Variants in TRPM8 observed in about 807,000 individuals in gnomAD.
TRPM8 encodes the protein TRPM8 cationic channel.
In TRPM8, 110 loss-of-function variants were observed where a neutral mutation model predicts 133.7. The ratio of observed to expected loss-of-function variants is 0.82; its 90% CI spans 0.70 to 0.96. The LOEUF is 0.96. TRPM8 is among the 40% of genes least tolerant of loss of function. The pLI is 0.00. For synonymous variants in TRPM8, 535 were observed against 532.3 expected (o/e 1.01, Z -0.07); for missense variants, 1,291 against 1,379.5 (o/e 0.94, Z 1.02).
chr2:234,000,914 G>A (rs932744516), intron 22 of TRPM8, among the ~76,000 whole-genome samples: 1 of 152,212 alleles, frequency 6.6e-6, no homozygotes, highest in African/African-American at 2.4e-5. Flanking sequence ...CTGGCTTCAA[G>A]TGATCCGCCC....
At chr2:233,973,359 G>A (rs1046553482) in intron 17 of TRPM8, among the ~76,000 whole-genome samples, 2 of 152,316 alleles carry the variant, frequency 1.3e-5, no homozygotes, top group South Asian at 2.1e-4. Flanking sequence ...GAGGCTGTGC[G>A]GGAGACTCTG....
Position 233,945,781 on chromosome 2 carries a change from T to C in TRPM8, c.700-75T>C, listed in dbSNP as rs905265134. Reference sequence around the variant, plus strand: ...TGAACCCAAAGTATTAGCTTTCATATGAATATAGAAAAATATCATCATGTA... The same window carrying C: ...TGAACCCAAAGTATTAGCTTTCATACGAATATAGAAAAATATCATCATGTA... On this transcript the variant is annotated intron_variant, in intron 6 of 25. Transcript: ENST00000324695. 3.6e-6 allele frequency: 5 copies of C among 1,371,870 alleles called. No homozygotes were observed. The African/African-American group carries it at 5.7e-5, about 16-fold the overall frequency. The allele number at this position is 1,371,870 out of a possible 1,614,324, so 85.0% of individuals were successfully genotyped here.
intron 6 of TRPM8, among the ~76,000 whole-genome samples, chr2:233,943,183 A>G (rs909073191): frequency 1.3e-5 from 2 of 149,648 alleles, no homozygotes; most frequent in Non-Finnish European, 2.9e-5. Flanking sequence ...ATATGTATAC[A>G]TGTGCCATGT....
intron 19 of TRPM8, 45 bp from the exon 20 acceptor site, chr2:233,983,008 C>T (rs1467637134): frequency 3.8e-6 from 6 of 1,582,686 alleles, no homozygotes; most frequent in Admixed American, 3.4e-5. Flanking sequence ...GACTTGCCAA[C>T]TGTGGGCACG....
intron 17 of TRPM8, among the ~76,000 whole-genome samples, chr2:233,977,405 T>C (rs1437909136): frequency 6.6e-6 from 1 of 152,130 alleles, no homozygotes; most frequent in Non-Finnish European, 1.5e-5. Flanking sequence ...CCTGCGATGG[T>C]AACTTGGAGC....
At chr2:233,940,283 G>GGTTTT (rs1156601612) in intron 5 of TRPM8, among the ~76,000 whole-genome samples, 1 of 132,648 alleles carries the variant, frequency 7.5e-6, no homozygotes, top group Non-Finnish European at 1.6e-5. Context: ...TCTAGACATG[G>GGTTTT]GTTTTTTTTT....
chr2:233,983,125 A>T lies in TRPM8; in HGVS notation c.2662A>T (p.Ile888Phe). The change falls in exon 20 of 26, where the codon ATC (isoleucine) becomes TTC (phenylalanine). Residue 888 changes from isoleucine to phenylalanine, a missense_variant. By Grantham distance (21) the Ile-to-Phe change is conservative (BLOSUM62 0). This residue lies in a region of TRPM8 where 328 missense variants were observed against 410.6 expected (regional missense o/e 0.80). Coordinates refer to ENST00000324695, the MANE Select transcript of TRPM8 (RefSeq NM_024080.5). Reference sequence around the variant, plus strand: ...GGCCTTTGGCGTGGCCAGGCAAGGGATCCTTAGGCAGAATGAGCAGCGCTG... The same window carrying T: ...GGCCTTTGGCGTGGCCAGGCAAGGGTTCCTTAGGCAGAATGAGCAGCGCTG... ...MVAFGVARQGILRQNEQRWRW... is the reference protein window; with the variant it reads ...MVAFGVARQGFLRQNEQRWRW... The T allele has an allele frequency of 6.2e-7, 1 of 1,613,938 alleles. No homozygotes were observed. The highest frequency in any genetic ancestry group is 8.5e-7 in the Non-Finnish European group (1 of 1,179,972).
chr2:234,007,297 T>C (rs1400318832), intron 23 of TRPM8, among the ~76,000 whole-genome samples: 1 of 152,206 alleles, frequency 6.6e-6, no homozygotes, highest in African/African-American at 2.4e-5. Flanking sequence ...TCACAGGTCA[T>C]GGGCCATTGG....
Position 233,964,724 on chromosome 2 carries a change from G to C in TRPM8, c.1846G>C (p.Glu616Gln). Residue 616 changes from glutamate to glutamine, a missense_variant, in exon 14 of 26, where the codon GAG (glutamate) becomes CAG (glutamine). Glu to Gln is a conservative substitution (Grantham distance 29). Around this residue, in one of 2 missense-constraint regions of TRPM8, gnomAD observed 963 missense variants for 968.9 expected, o/e 0.99. Coordinates refer to ENST00000324695, the MANE Select transcript of TRPM8 (RefSeq NM_024080.5). ...NDINAAGESE[E>Q]LANEYETRAV... Reference sequence around the variant, plus strand: ...CATCAATGCTGCTGGGGAGTCCGAGGAGCTGGCTAATGAGTACGAGACCCG... The same window carrying C: ...CATCAATGCTGCTGGGGAGTCCGAGCAGCTGGCTAATGAGTACGAGACCCG... The C allele has an allele frequency of 6.2e-7, 1 of 1,613,136 alleles. No individual in the cohort carries two copies.
chr2:233,950,924 G>A (rs1201926942), intron 9 of TRPM8, among the ~76,000 whole-genome samples: 1 of 152,112 alleles, frequency 6.6e-6, no homozygotes, highest in Non-Finnish European at 1.5e-5. Context: ...AACAGGGCTG[G>A]GTGCAATGAC....
At chr2:233,979,704 T>A (rs1020772527) in intron 17 of TRPM8, among the ~76,000 whole-genome samples, 2 of 152,366 alleles carry the variant, frequency 1.3e-5, no homozygotes, top group Middle Eastern at 3.4e-3. Context: ...ATACAGCACT[T>A]ATGTGCACAT....
intron 1 of TRPM8, among the ~76,000 whole-genome samples, chr2:233,921,981 AT>A (rs61668788): frequency 0.023 from 3,563 of 151,846 alleles, 240 homozygotes; most frequent in East Asian, 0.23. Context: ...CCAGAAACAC[AT>A]TTTCTGTATG....
At chr2:234,008,465 G>A (rs1692752312) in intron 24 of TRPM8, among the ~76,000 whole-genome samples, 1 of 152,186 alleles carries the variant, frequency 6.6e-6, no homozygotes, top group South Asian at 2.1e-4. Flanking sequence ...AGTCTTTGCT[G>A]CCACTCTGAT....
chr2:233,971,942 T>G (rs756615663), intron 17 of TRPM8, among the ~76,000 whole-genome samples: 2 of 152,156 alleles, frequency 1.3e-5, no homozygotes, highest in Non-Finnish European at 2.9e-5. Context: ...AGTGGTCTGT[T>G]TTGACAGGGC....
chr2:233,947,276 T>A, intron 8 of TRPM8, 121 bp downstream of exon 8: 1 of 1,554,656 alleles, frequency 6.4e-7, no homozygotes, highest in Non-Finnish European at 8.7e-7. Context: ...AAGTAGGTAG[T>A]GTTTTCCCTC....
In TRPM8 at chr2:233,985,576, G is replaced by A. The variant is rs902284862; in HGVS notation, c.2762-112G>A. On this transcript the variant is annotated intron_variant, in intron 20 of 25. Transcript: ENST00000324695. Reference sequence around the variant, plus strand: ...CTTGTTTGGACAAAGTGCCTTAGACGAAGGCCTAAGACATTTCATGACCAC... The same window carrying A: ...CTTGTTTGGACAAAGTGCCTTAGACAAAGGCCTAAGACATTTCATGACCAC... The A allele has an allele frequency of 2.2e-5, 22 of 1,017,632 alleles. No individual in the cohort carries two copies. In the South Asian group the frequency reaches 2.3e-4, roughly 10 times the overall value. 63.0% of individuals were successfully genotyped at this position (1,017,632 alleles called of 1,614,324 possible).
In TRPM8 at chr2:233,964,551, CAAAAAAAAAAAAAA is replaced by C. The variant is rs34817253; in HGVS notation, c.1750-64_1750-51del. The C allele has an allele frequency of 2.6e-5, 15 of 571,672 alleles. No individual in the cohort carries two copies. In the African/African-American group the frequency reaches 4.1e-4, roughly 16 times the overall value. 35.4% of individuals were successfully genotyped at this position (571,672 alleles called of 1,614,324 possible). A position where few individuals can be genotyped will look rare whatever the true frequency, so the allele number is the denominator to read the frequency against. The stretch of plus-strand genomic sequence containing the variant: ...TGGGTCACAGAGTGAGACTCCGTCT[CAAAAAAAAAAAAAA>C]AAAAAAAAAAAAGAAAAGGAAAAAA... On this transcript the variant is annotated intron_variant, in intron 13 of 25. Transcript: ENST00000324695.
At chr2:233,996,541 TG>T in intron 22 of TRPM8, 25 bp downstream of exon 22, 2 of 1,608,530 alleles carry the variant, frequency 1.2e-6, no homozygotes, top group Non-Finnish European at 1.7e-6. Flanking sequence ...CATGTGTACT[TG>T]GGATCAGAAG....
At position 233,958,269 on chromosome 2, in the gene TRPM8, T is replaced by C. The variant is rs373374074; in HGVS notation, c.1363-2507T>C. ...TATTTCATCCTCGCAACCATCTATT[T>C]CTTAGAAGAGCAAACCGAGGCTCAG... On this transcript the variant is annotated intron_variant, in intron 11 of 25. Coordinates refer to ENST00000324695, the MANE Select transcript of TRPM8 (RefSeq NM_024080.5). 3.3e-5 allele frequency among the ~76,000 whole-genome samples: 5 copies of C among 152,316 alleles called. No homozygotes were observed. The East Asian group carries it at 5.8e-4, about 18-fold the overall frequency.
Sources: allele counts gnomAD v4.1 joint callset (sites outside exome capture counted in the v4.1 genomes callset), GRCh38; gene constraint gnomAD v4.1.1; regional missense constraint gnomAD v4.1.1; transcripts MANE v1.5; gene names NCBI Gene and HGNC (gene_info 2026-07-23, HGNC 2026-07-21).